Variants in FHIT observed in about 807,000 individuals in gnomAD.
The protein encoded by FHIT is bis(5'-adenosyl)-triphosphatase.
Under a neutral mutation model 17.9 loss-of-function variants are expected in FHIT, and 19 were observed. The observed-to-expected ratio is 1.06, with a 90% CI of 0.74 to 1.56. The LOEUF is 1.56. Among genes scored for constraint, FHIT ranks in the 40% most tolerant of loss-of-function variants. The probability of loss-of-function intolerance (pLI) is 0.00; values close to 1 mark genes in which losing one functional copy is unlikely to be tolerated. For synonymous variants in FHIT, 81 were observed against 69.7 expected, an observed-to-expected ratio of 1.16 and a Z score of -0.81; for missense variants, 248 against 189.2, an observed-to-expected ratio of 1.31 and a Z score of -1.82.
intron 5 of FHIT, among the ~76,000 whole-genome samples, chr3:60,348,984 C>A (rs1046850066): frequency 6.6e-6 from 1 of 152,140 alleles, no homozygotes; most frequent in African/African-American, 2.4e-5. Flanking sequence ...GCCTAGGTGA[C>A]CCCAGCTGAT....
intron 3 of FHIT, among the ~76,000 whole-genome samples, chr3:60,862,352 G>A (rs1703951052): frequency 6.6e-6 from 1 of 151,892 alleles, no homozygotes; most frequent in Non-Finnish European, 1.5e-5. Context: ...TTTTTTTATA[G>A]AGACGCGGTC....
rs563279970 is a variant in FHIT, at chr3:60,723,011, G to A, written c.-18+98908C>T. ...GCTGGGATTACAGGCATGAACCACC[G>A]TTCCTGGCCTACTTTAAGTCTTAAT... On this transcript the variant is annotated intron_variant, in intron 4 of 9. Transcript: ENST00000492590. 7.9e-5 allele frequency among the ~76,000 whole-genome samples: 12 copies of A among 152,176 alleles called. No homozygotes were observed. In the East Asian group the frequency reaches 9.7e-4, roughly 12 times the overall value.
chr3:60,573,116 C>G (rs1210039660), intron 4 of FHIT, among the ~76,000 whole-genome samples: 4 of 152,146 alleles, frequency 2.6e-5, no homozygotes, highest in African/African-American at 7.2e-5. Flanking sequence ...AACTGCTTGG[C>G]TTTTTGCTAG....
intron 7 of FHIT, among the ~76,000 whole-genome samples, chr3:60,001,496 A>G (rs1699727550): frequency 6.6e-6 from 1 of 152,172 alleles, no homozygotes; most frequent in Admixed American, 6.6e-5. Flanking sequence ...CAGGATACTC[A>G]TTTCCTGGAA....
intron 4 of FHIT, among the ~76,000 whole-genome samples, chr3:60,798,919 T>C (rs1553731365): frequency 6.6e-6 from 1 of 151,200 alleles, no homozygotes; most frequent in South Asian, 2.1e-4. Context: ...CACCACGCCC[T>C]GCTAGTTTTT....
intron 4 of FHIT, among the ~76,000 whole-genome samples, chr3:60,758,857 G>T (rs868921240): frequency 6.6e-6 from 1 of 152,122 alleles, no homozygotes; most frequent in African/African-American, 2.4e-5. Flanking sequence ...ATAAGAAATG[G>T]TTAACAGGAA....
chr3:60,154,575 T>A (rs781763259), intron 5 of FHIT, among the ~76,000 whole-genome samples: 1 of 152,194 alleles, frequency 6.6e-6, no homozygotes, highest in Non-Finnish European at 1.5e-5. Context: ...ACTTATAATA[T>A]TCCAAGCTGT....
chr3:60,436,690 C>T (rs574958915), intron 5 of FHIT, among the ~76,000 whole-genome samples: 29 of 152,150 alleles, frequency 1.9e-4, no homozygotes, highest in Middle Eastern at 3.4e-3. Context: ...AGACAAAAAA[C>T]GCTGCCTTCA....
chr3:61,058,887 C>T lies in FHIT; in HGVS notation c.-163-16788G>A, dbSNP rs528607735. Reference sequence around the variant, plus strand: ...GAGGATGGACTTGCTCAAGGTCATACAGCTCATAAATGATGCAGCCAGGAT... The same window carrying T: ...GAGGATGGACTTGCTCAAGGTCATATAGCTCATAAATGATGCAGCCAGGAT... On this transcript the variant is annotated intron_variant, in intron 2 of 9. Transcript: ENST00000492590. Among the ~76,000 whole-genome samples, 108 of 152,274 alleles carry T rather than the reference C, an allele frequency of 7.1e-4. 1 individual carries two copies. The highest frequency in any genetic ancestry group is 2.5e-3 in the African/African-American group (104 of 41,562).
At chr3:61,238,763 T>C (rs1371564000) in intron 1 of FHIT, among the ~76,000 whole-genome samples, 1 of 152,264 alleles carries the variant, frequency 6.6e-6, no homozygotes, top group Non-Finnish European at 1.5e-5. Context: ...AAAAATTATG[T>C]ATCTCCTCTT....
intron 4 of FHIT, among the ~76,000 whole-genome samples, chr3:60,764,778 TAATA>T (rs1230961440): frequency 6.6e-6 from 1 of 150,638 alleles, no homozygotes. Flanking sequence ...AATTAATATA[TAATA>T]AATGTACAAA....
At chr3:60,780,352 G>A (rs1245031973) in intron 4 of FHIT, among the ~76,000 whole-genome samples, 1 of 152,078 alleles carries the variant, frequency 6.6e-6, no homozygotes, top group African/African-American at 2.4e-5. Context: ...CCTTAAACTG[G>A]TTAGCTTAGG....
At chr3:60,275,015 G>C (rs1420730700) in intron 5 of FHIT, among the ~76,000 whole-genome samples, 3 of 152,060 alleles carry the variant, frequency 2.0e-5, no homozygotes, top group African/African-American at 7.2e-5. Context: ...TCAAGGAAGA[G>C]AAACTTTCTT....
chr3:60,091,324 T>C (rs1428923266), intron 5 of FHIT, among the ~76,000 whole-genome samples: 1 of 152,174 alleles, frequency 6.6e-6, no homozygotes, highest in Non-Finnish European at 1.5e-5. Flanking sequence ...GAAGGGTCTT[T>C]GGTTTATTGA....
intron 4 of FHIT, among the ~76,000 whole-genome samples, chr3:60,815,147 T>G (rs1378851253): frequency 6.6e-6 from 1 of 152,068 alleles, no homozygotes; most frequent in African/African-American, 2.4e-5. Context: ...TATTAGACCT[T>G]TAGTGGTTGT....
intron 1 of FHIT, among the ~76,000 whole-genome samples, chr3:61,206,453 T>C (rs892934507): frequency 2.0e-5 from 3 of 151,992 alleles, no homozygotes; most frequent in African/African-American, 7.3e-5. Flanking sequence ...CCCATGGGCA[T>C]GGAATGTTCT....
intron 5 of FHIT, among the ~76,000 whole-genome samples, chr3:60,212,044 T>A (rs907064108): frequency 6.6e-6 from 1 of 152,234 alleles, no homozygotes; most frequent in Non-Finnish European, 1.5e-5. Context: ...TAATTGACTG[T>A]GGCCAAGTCT....
Position 60,247,199 on chromosome 3 carries a change from C to T in FHIT, c.104-233047G>A, listed in dbSNP as rs1443569858. Among the ~76,000 whole-genome samples the T allele has an allele frequency of 5.8e-5, 8 of 137,138 alleles. No homozygotes were observed. In the East Asian group the frequency reaches 1.4e-3, roughly 24 times the overall value. The allele number at this position is 137,138 out of a possible 152,430, so 90.0% of individuals were successfully genotyped here. ...ACCTTCTGCTAAATTTTGCTATAAA[C>T]CTAAAACTGTTCTACCAAGTAAGGC... On this transcript the variant is annotated intron_variant, in intron 5 of 9. Transcript: ENST00000492590.
intron 4 of FHIT, among the ~76,000 whole-genome samples, chr3:60,803,821 T>C (rs1324020996): frequency 2.0e-5 from 3 of 152,110 alleles, no homozygotes; most frequent in Admixed American, 2.0e-4. Context: ...TCTCGCTGAA[T>C]GCCAACTCAG....
Sources: gnomAD v4.1 joint callset for allele counts (sites outside exome capture counted in the v4.1 genomes callset) on GRCh38, gnomAD v4.1.1 for gene constraint, MANE v1.5 for transcripts, NCBI Gene and HGNC (gene_info 2026-07-23, HGNC 2026-07-21) for gene names.